Variants in GPC5 observed in about 807,000 individuals in gnomAD.
GPC5 encodes the protein glypican 5.
A neutral mutation model predicts 53.9 loss-of-function variants in GPC5; 47 were observed. The observed-to-expected ratio is 0.87, with a 90% CI of 0.69 to 1.11. GPC5 has a LOEUF of 1.11. Ranked by LOEUF, GPC5 falls within the 50% of genes most tolerant of loss-of-function variation. The probability of loss-of-function intolerance (pLI) is 0.00; values close to 1 mark genes in which losing one functional copy is unlikely to be tolerated. For synonymous variants in GPC5, 286 were observed against 263.3 expected, an observed-to-expected ratio of 1.09 and a Z score of -0.84; for missense variants, 748 against 713.1, an observed-to-expected ratio of 1.05 and a Z score of -0.56.
intron 7 of GPC5, among the ~76,000 whole-genome samples, chr13:92,860,352 C>G (rs1233657179): frequency 1.3e-5 from 2 of 152,118 alleles, no homozygotes; most frequent in East Asian, 3.9e-4. Flanking sequence ...AACCTTGTAT[C>G]TTTAGCCATA....
Position 91,490,045 on chromosome 13 carries a change from A to G in GPC5, c.325+41123A>G, listed in dbSNP as rs1883852888. Among the ~76,000 whole-genome samples the G allele has an allele frequency of 2.6e-5, 4 of 152,214 alleles. No individual in the cohort carries two copies. In the South Asian group the frequency reaches 8.3e-4, roughly 32 times the overall value. On this transcript the variant is annotated intron_variant, in intron 2 of 7. Coordinates refer to ENST00000377067, the MANE Select transcript of GPC5 (RefSeq NM_004466.6). Reference sequence around the variant, plus strand: ...ACCCACTTGTTCTGTATATTTAGTTAAATGCCACGTAATCACTACAATGAT... The same window carrying G: ...ACCCACTTGTTCTGTATATTTAGTTGAATGCCACGTAATCACTACAATGAT...
intron 6 of GPC5, among the ~76,000 whole-genome samples, chr13:92,076,496 C>T (rs2041253343): frequency 6.6e-6 from 1 of 151,912 alleles, no homozygotes; most frequent in Non-Finnish European, 1.5e-5. Context: ...TTGAAGACCA[C>T]TGAAGAATAT....
chr13:92,099,299 C>G (rs1009182533), intron 6 of GPC5, among the ~76,000 whole-genome samples: 3 of 152,174 alleles, frequency 2.0e-5, no homozygotes, highest in Non-Finnish European at 4.4e-5. Flanking sequence ...ATGTGTAAAG[C>G]TATCCGTACA....
At chr13:92,385,292 C>A (rs904600101) in intron 7 of GPC5, among the ~76,000 whole-genome samples, 1 of 146,908 alleles carries the variant, frequency 6.8e-6, no homozygotes, top group Admixed American at 6.9e-5. Flanking sequence ...GCAGTATAGT[C>A]CTATTCGTAG....
chr13:91,754,638 A>T (rs773469096), intron 4 of GPC5, among the ~76,000 whole-genome samples: 53 of 152,162 alleles, frequency 3.5e-4, no homozygotes, highest in Non-Finnish European at 4.9e-4. Flanking sequence ...GGAGTCACAC[A>T]TCCTGCCATT....
chr13:92,737,853 A>G lies in GPC5; in HGVS notation c.1562-128429A>G, dbSNP rs1170259961. Among the ~76,000 whole-genome samples, 4 of 129,952 alleles carry G rather than the reference A, an allele frequency of 3.1e-5. 1 individual carries two copies. In the Admixed American group the frequency reaches 3.9e-4, roughly 13 times the overall value. The allele number at this position is 129,952 out of a possible 152,430, so 85.3% of individuals were successfully genotyped here. On this transcript the variant is annotated intron_variant, in intron 7 of 7. Transcript: ENST00000377067. ...GTGATCTTGGCTCACCACAACCTCT[A>G]CCTCCTGGGTTCAAGCAATTCTCCT... is the stretch of plus-strand genomic sequence containing the variant.
intron 6 of GPC5, among the ~76,000 whole-genome samples, chr13:92,123,382 C>A (rs775355249): frequency 2.6e-5 from 4 of 152,016 alleles, no homozygotes; most frequent in Non-Finnish European, 5.9e-5. Context: ...GGAGTACTTC[C>A]TATATCAACT....
chr13:92,258,331 C>A (rs1353573595), intron 7 of GPC5, among the ~76,000 whole-genome samples: 1 of 152,168 alleles, frequency 6.6e-6, no homozygotes, highest in Admixed American at 6.5e-5. Context: ...TGAAACCTGG[C>A]AAAAGATCCT....
chr13:91,491,690 A>C (rs1883950086), intron 2 of GPC5, among the ~76,000 whole-genome samples: 1 of 152,144 alleles, frequency 6.6e-6, no homozygotes, highest in African/African-American at 2.4e-5. Flanking sequence ...TGCCTCTTCC[A>C]GCTTCCTCTG....
At chr13:92,768,022 A>T (rs573612054) in intron 7 of GPC5, among the ~76,000 whole-genome samples, 2 of 152,302 alleles carry the variant, frequency 1.3e-5, no homozygotes, top group East Asian at 3.9e-4. Context: ...CACAGTGTAA[A>T]AACCTAAGTC....
rs202160698 is a variant in GPC5 at position 91,556,522 on chromosome 13, G to GTATATA, written c.325+107611_325+107616dup. ...AGTGGATAAAGAAATTGCAGTATGT[G>GTATATA]TATATATATATATATAAAATGTGTG... On this transcript the variant is annotated intron_variant, in intron 2 of 7. Coordinates refer to ENST00000377067, the MANE Select transcript of GPC5 (RefSeq NM_004466.6). Among the ~76,000 whole-genome samples, 95 of 147,592 alleles carry GTATATA rather than the reference G, an allele frequency of 6.4e-4. 1 individual carries two copies. Among genetic ancestry groups the GTATATA allele is most frequent in the Middle Eastern group, 3.5e-3 (1 of 284 alleles).
chr13:91,660,716 C>A (rs2034968025), intron 2 of GPC5, among the ~76,000 whole-genome samples: 1 of 152,160 alleles, frequency 6.6e-6, no homozygotes, highest in Non-Finnish European at 1.5e-5. Context: ...GTAGGTTTAT[C>A]TGGAAGGCAT....
intron 6 of GPC5, among the ~76,000 whole-genome samples, 194 bp from the exon 7 acceptor site, chr13:92,144,636 T>C: frequency 6.6e-6 from 1 of 152,216 alleles, no homozygotes; most frequent in East Asian, 1.9e-4. Flanking sequence ...AGAGTGTAGC[T>C]CTTTATAGGT....
At chr13:91,612,171 G>T (rs1473291667) in intron 2 of GPC5, among the ~76,000 whole-genome samples, 2 of 152,120 alleles carry the variant, frequency 1.3e-5, no homozygotes, top group African/African-American at 4.8e-5. Flanking sequence ...GTCTTGTTTG[G>T]CTGGGACAAG....
chr13:92,585,098 C>A (rs1883497451), intron 7 of GPC5, among the ~76,000 whole-genome samples: 1 of 152,138 alleles, frequency 6.6e-6, no homozygotes, highest in South Asian at 2.1e-4. Context: ...CACAGAGTCC[C>A]TCCTGGGGCA....
At chr13:92,237,614 A>AG (rs2042579947) in intron 7 of GPC5, among the ~76,000 whole-genome samples, 1 of 152,120 alleles carries the variant, frequency 6.6e-6, no homozygotes, top group Non-Finnish European at 1.5e-5. Context: ...ACATACTTGT[A>AG]TTTCTTGTGT....
At position 91,398,659 on chromosome 13, in the gene GPC5, A is replaced by AGGCGGCGGCGGCGGCGGCGGCGGC. The variant is rs1244826471; in HGVS notation, c.-370_-369insGGCGGCGGCGGCGGCGGCGGCGGC. The stretch of plus-strand genomic sequence containing the variant: ...TGCTGCGAGCCGAGCCGGGCGGCGG[A>AGGCGGCGGCGGCGGCGGCGGCGGC]GGCGGCGGCGGCGGCGGCAGTGGCG... On this transcript the variant is annotated 5_prime_UTR_variant, in exon 1 of 8. Transcript: ENST00000377067. 2.7e-4 allele frequency: 27 copies of AGGCGGCGGCGGCGGCGGCGGCGGC among 100,228 alleles called. No homozygotes were observed. The highest frequency in any genetic ancestry group is 8.6e-4 in the African/African-American group (27 of 31,400). 6.2% of individuals were successfully genotyped at this position (100,228 alleles called of 1,614,324 possible). A position where few individuals can be genotyped will look rare whatever the true frequency, so the allele number is the denominator to read the frequency against.
chr13:92,663,376 A>G (rs1313676298), intron 7 of GPC5, among the ~76,000 whole-genome samples: 1 of 151,878 alleles, frequency 6.6e-6, no homozygotes, highest in African/African-American at 2.4e-5. Flanking sequence ...GGTGAGTAAC[A>G]TGGCAGAAAT....
chr13:92,535,252 CTT>C (rs1881686732), intron 7 of GPC5, among the ~76,000 whole-genome samples: 4 of 152,058 alleles, frequency 2.6e-5, no homozygotes, highest in Admixed American at 2.6e-4. Context: ...TCATTCTACT[CTT>C]TGTTAATTAA....
Sources: gnomAD v4.1 joint callset for allele counts (sites outside exome capture counted in the v4.1 genomes callset) on GRCh38, gnomAD v4.1.1 for gene constraint, MANE v1.5 for transcripts, NCBI Gene and HGNC (gene_info 2026-07-23, HGNC 2026-07-21) for gene names.